PTPRZ1: variants seen among roughly 807,000 people sequenced by gnomAD.
PTPRZ1 encodes protein tyrosine phosphatase receptor type Z1, also known as receptor-type tyrosine-protein phosphatase zeta.
In PTPRZ1, 82 loss-of-function variants were observed where a neutral mutation model predicts 214.1. The observed-to-expected ratio is 0.38, with a 90% CI of 0.32 to 0.46. The LOEUF is 0.46. PTPRZ1 is among the 20% of genes least tolerant of loss of function. The probability of loss-of-function intolerance (pLI) is 1.00; values close to 1 mark genes in which losing one functional copy is unlikely to be tolerated. For missense variants in PTPRZ1, 2,603 were observed against 2,748.7 expected, an observed-to-expected ratio of 0.95 and a Z score of 1.19; for synonymous variants, 945 against 987.9, an observed-to-expected ratio of 0.96 and a Z score of 0.81.
chr7:121,883,906 G>A (rs2116177268), intron 1 of PTPRZ1, among the ~76,000 whole-genome samples: 1 of 152,306 alleles, frequency 6.6e-6, no homozygotes, highest in South Asian at 2.1e-4. Flanking sequence ...GATTACAGGT[G>A]TGAGCCACTG....
chr7:122,018,845 G>C (rs1053166458), intron 12 of PTPRZ1, among the ~76,000 whole-genome samples: 5 of 152,064 alleles, frequency 3.3e-5, no homozygotes, highest in Admixed American at 3.3e-4. Flanking sequence ...ATTTAGCAAG[G>C]CTTTTCAAGG....
At chr7:121,981,893 C>A (rs540287054) in intron 6 of PTPRZ1, among the ~76,000 whole-genome samples, 19 of 152,086 alleles carry the variant, frequency 1.2e-4, no homozygotes, top group Non-Finnish European at 2.4e-4. Context: ...ATGAATAGAT[C>A]TTGATTGTCA....
chr7:121,876,857 G>C (rs547265151), intron 1 of PTPRZ1, among the ~76,000 whole-genome samples: 2 of 152,250 alleles, frequency 1.3e-5, no homozygotes, highest in Non-Finnish European at 2.9e-5. Context: ...TATGTTGTGG[G>C]AATTTTGCTT....
At chr7:121,905,127 G>T (rs969765787) in intron 1 of PTPRZ1, among the ~76,000 whole-genome samples, 1 of 152,166 alleles carries the variant, frequency 6.6e-6, no homozygotes, top group African/African-American at 2.4e-5. Flanking sequence ...AGAAACTATA[G>T]ATAATTTGAT....
At chr7:121,883,343 T>C (rs953774452) in intron 1 of PTPRZ1, among the ~76,000 whole-genome samples, 5 of 152,180 alleles carry the variant, frequency 3.3e-5, no homozygotes, top group African/African-American at 9.6e-5. Context: ...TCTTATCAAA[T>C]GCCAATATGA....
rs1204823400 is a variant in PTPRZ1, at chr7:122,061,818, G to A, written c.*598G>A. The A allele has an allele frequency of 1.3e-5, 2 of 152,452 alleles. No individual in the cohort carries two copies. Among genetic ancestry groups the A allele is most frequent in the Non-Finnish European group, 2.9e-5 (2 of 68,008 alleles). 9.4% of individuals were successfully genotyped at this position (152,452 alleles called of 1,614,324 possible). A position where few individuals can be genotyped will look rare whatever the true frequency, so the allele number is the denominator to read the frequency against. Reference sequence around the variant, plus strand: ...GTTCTGTGTAATTGTTTAGTTTAATGACGTAGTTCATTAGCTGGTCTTACT... The same window carrying A: ...GTTCTGTGTAATTGTTTAGTTTAATAACGTAGTTCATTAGCTGGTCTTACT... On this transcript the variant is annotated 3_prime_UTR_variant, in exon 30 of 30. Coordinates refer to ENST00000393386, the MANE Select transcript of PTPRZ1 (RefSeq NM_002851.3).
At chr7:121,912,563 T>C (rs775453623) in intron 1 of PTPRZ1, among the ~76,000 whole-genome samples, 11 of 152,124 alleles carry the variant, frequency 7.2e-5, no homozygotes, top group Non-Finnish European at 1.5e-4. Context: ...CTTAGTGCAT[T>C]TGGTAAAGAA....
chr7:122,044,371 A>G, intron 22 of PTPRZ1, 51 bp from the exon 23 acceptor site: 1 of 1,602,930 alleles, frequency 6.2e-7, no homozygotes, highest in South Asian at 1.1e-5. Flanking sequence ...GTAGGTAGAT[A>G]CATATGAGGA....
At chr7:122,053,579 A>G (rs1357134273) in intron 25 of PTPRZ1, among the ~76,000 whole-genome samples, 3 of 152,204 alleles carry the variant, frequency 2.0e-5, no homozygotes, top group African/African-American at 7.2e-5. Flanking sequence ...GTAACCTTGA[A>G]TACTACATCT....
intron 2 of PTPRZ1, among the ~76,000 whole-genome samples, chr7:121,965,598 A>T (rs1797025730): frequency 6.6e-6 from 1 of 152,162 alleles, no homozygotes; most frequent in African/African-American, 2.4e-5. Flanking sequence ...TCACAGCAGT[A>T]ATCCACCATC....
At chr7:121,929,841 A>C in intron 2 of PTPRZ1, among the ~76,000 whole-genome samples, 1 of 150,906 alleles carries the variant, frequency 6.6e-6, no homozygotes, top group East Asian at 1.9e-4. Flanking sequence ...TAAATAAATA[A>C]ATAAATAAAT....
intron 8 of PTPRZ1, among the ~76,000 whole-genome samples, chr7:121,990,270 A>G (rs1797907683): frequency 6.6e-6 from 1 of 152,204 alleles, no homozygotes; most frequent in Non-Finnish European, 1.5e-5. Flanking sequence ...TGTGAGATTT[A>G]TATATTCATA....
In PTPRZ1 at chr7:122,004,621, T is replaced by C; in HGVS notation, c.1248T>C (p.Asp416=). The part of the protein sequence containing the change: ...VDMPTDNPEL[D]LFPELIGTEE... ...TTGTTTTTAATTTTGTAGAACTTGA[T>C]CTTTTCCCTGAATTAATTGGAACTG... Residue 416 remains aspartate, a synonymous_variant, in exon 11 of 30, where the codon GAT becomes GAC. Transcript: ENST00000393386. 1 of 1,362,622 alleles carries C rather than the reference T, an allele frequency of 7.3e-7. No individual in the cohort carries two copies. The highest frequency in any genetic ancestry group is 1.0e-6 in the Non-Finnish European group (1 of 980,360). 84.4% of individuals were successfully genotyped at this position (1,362,622 alleles called of 1,614,324 possible).
rs150838620 is a variant in PTPRZ1, at chr7:122,044,159, A to T, written c.5938-263A>T. Among the ~76,000 whole-genome samples the T allele has an allele frequency of 1.0e-3, 158 of 152,290 alleles. 1 individual carries two copies. The Middle Eastern group carries it at 0.027, about 26-fold the overall frequency. The stretch of plus-strand genomic sequence containing the variant: ...AGAGAGGACATTCCTTTGCCTTGCC[A>T]ACTCTTCCTGCCTCCTAACCTATTG... On this transcript the variant is annotated intron_variant, in intron 22 of 29. Transcript: ENST00000393386.
At chr7:121,876,027 GA>G (rs1021210460) in intron 1 of PTPRZ1, among the ~76,000 whole-genome samples, 5 of 152,118 alleles carry the variant, frequency 3.3e-5, no homozygotes, top group African/African-American at 9.7e-5. Context: ...CATTATCCAG[GA>G]ACAAGTTGTA....
intron 23 of PTPRZ1, among the ~76,000 whole-genome samples, chr7:122,048,653 G>T (rs993715017): frequency 8.6e-5 from 13 of 151,768 alleles, no homozygotes; most frequent in South Asian, 2.1e-4. Flanking sequence ...AAACTAAAAA[G>T]AATTTTTAAA....
At chr7:122,015,682 C>A (rs1373059541) in intron 12 of PTPRZ1, among the ~76,000 whole-genome samples, 1 of 152,014 alleles carries the variant, frequency 6.6e-6, no homozygotes, top group Admixed American at 6.6e-5. Context: ...TACGTTCTTG[C>A]TAGACTATGC....
At chr7:122,038,466 A>G (rs180855763) in intron 18 of PTPRZ1, among the ~76,000 whole-genome samples, 1 of 152,058 alleles carries the variant, frequency 6.6e-6, no homozygotes, top group Non-Finnish European at 1.5e-5. Context: ...CTTGGAATAC[A>G]AATGCACAGA....
chr7:122,053,187 A>G (rs2150490683), intron 25 of PTPRZ1, among the ~76,000 whole-genome samples: 1 of 152,206 alleles, frequency 6.6e-6, no homozygotes, highest in East Asian at 1.9e-4. Flanking sequence ...CAATGCCCCC[A>G]CTGAGTCCAG....
Sources: gnomAD v4.1 joint callset for allele counts (sites outside exome capture counted in the v4.1 genomes callset) on GRCh38, gnomAD v4.1.1 for gene constraint, MANE v1.5 for transcripts, NCBI Gene and HGNC (gene_info 2026-07-23, HGNC 2026-07-21) for gene names.